C21orf58: variants seen among roughly 807,000 people sequenced by gnomAD.
The protein encoded by C21orf58 is uncharacterized protein C21orf58.
A neutral mutation model predicts 35.8 loss-of-function variants in C21orf58; 34 were observed. The ratio of observed to expected loss-of-function variants is 0.95; its 90% CI spans 0.72 to 1.26. The LOEUF (loss-of-function observed/expected upper bound fraction) is 1.26. Ranked by LOEUF, C21orf58 falls within the 50% of genes most tolerant of loss-of-function variation. C21orf58 has a pLI of 0.00. For missense variants in C21orf58, 440 were observed against 414.3 expected, an observed-to-expected ratio of 1.06 and a Z score of -0.54; for synonymous variants, 191 against 175.8, an observed-to-expected ratio of 1.09 and a Z score of -0.68.
At position 46,311,508 on chromosome 21, in the gene C21orf58, C is replaced by G. The variant is rs1339310542; in HGVS notation, c.669G>C (p.Gln223His). ...QQLPQQPLIA[Q>H]IPPPQAFPTQ... ...TAGGGAAGGCCTGGGGAGGAGGAAT[C>G]TGTGCTATGAGTGGCTGCTGAGGGA... The change falls in exon 6 of 8, where the codon CAG becomes CAC. Residue 223 changes from glutamine to histidine, a missense_variant. By Grantham distance (24) the Gln-to-His change is conservative. Transcript: ENST00000291691. The G allele has an allele frequency of 2.5e-6, 4 of 1,612,480 alleles. No individual in the cohort carries two copies. The highest frequency in any genetic ancestry group is 3.4e-6 in the Non-Finnish European group (4 of 1,179,428).
intron 1 of C21orf58, among the ~76,000 whole-genome samples, chr21:46,321,901 CTTTT>C (rs397867797): frequency 8.4e-5 from 10 of 119,104 alleles, no homozygotes; most frequent in African/African-American, 9.6e-5. Flanking sequence ...ATCTGGGCAG[CTTTT>C]TTTTTTTTTT....
chr21:46,307,687 T>C (rs1309223505), intron 6 of C21orf58, among the ~76,000 whole-genome samples: 2 of 152,144 alleles, frequency 1.3e-5, no homozygotes, highest in Non-Finnish European at 2.9e-5. Flanking sequence ...CAATATATGA[T>C]AGAGCTACAG....
chr21:46,301,652 C>A lies in C21orf58; in HGVS notation c.*347G>T. On this transcript the variant is annotated 3_prime_UTR_variant, in exon 8 of 8. Coordinates refer to ENST00000291691, the MANE Select transcript of C21orf58 (RefSeq NM_058180.5). ...TCATCAGGCTGGTGGCGTCCACGGCCTCAACTTTACCTCCGTGATGGAAGA... is the reference window on the plus strand; with the variant it reads ...TCATCAGGCTGGTGGCGTCCACGGCATCAACTTTACCTCCGTGATGGAAGA... 9.1e-7 allele frequency: 1 copy of A among 1,103,096 alleles called. No individual in the cohort carries two copies. The highest frequency in any genetic ancestry group is 1.1e-6 in the Non-Finnish European group (1 of 905,758). 68.3% of individuals were successfully genotyped at this position (1,103,096 alleles called of 1,614,324 possible).
chr21:46,317,214 C>T lies in C21orf58; in HGVS notation c.364G>A (p.Glu122Lys), dbSNP rs767085010. ...VEGGPEGLHLEPGNEDRPDDA... is the reference protein window; with the variant it reads ...VEGGPEGLHLKPGNEDRPDDA... ...GCAGCCCAGGGGCTCTCACCTGGCT[C>T]GAGGTGGAGGCCCTCAGGTCCCCCT... Residue 122 changes from glutamate to lysine, a missense_variant, in exon 3 of 8, where the codon GAG (glutamate) becomes AAG (lysine). By Grantham distance (56) the Glu-to-Lys change is moderately conservative (BLOSUM62 1). Coordinates refer to ENST00000291691, the MANE Select transcript of C21orf58 (RefSeq NM_058180.5). The T allele has an allele frequency of 1.1e-5, 18 of 1,610,580 alleles. No homozygotes were observed. Among genetic ancestry groups the T allele is most frequent in the Non-Finnish European group, 1.4e-5 (17 of 1,179,524 alleles).
At chr21:46,303,730 TATA>T (rs2082255018) in intron 6 of C21orf58, among the ~76,000 whole-genome samples, 16 of 28,732 alleles carry the variant, frequency 5.6e-4, no homozygotes, top group Admixed American at 1.7e-3. Flanking sequence ...TATATATATA[TATA>T]TATATATATA....
chr21:46,317,480 C>T, intron 2 of C21orf58: 1 of 754,954 alleles, frequency 1.3e-6, no homozygotes. Context: ...TGTGTTCCAT[C>T]CACAAGTCTA....
At chr21:46,309,610 C>T (rs1374216313) in intron 6 of C21orf58, among the ~76,000 whole-genome samples, 6 of 152,164 alleles carry the variant, frequency 3.9e-5, no homozygotes, top group Non-Finnish European at 7.3e-5. Flanking sequence ...TTTATTGATA[C>T]ACCCAACGAC....
chr21:46,317,397 C>T, intron 2 of C21orf58, 129 bp from the exon 3 acceptor site: 1 of 1,508,954 alleles, frequency 6.6e-7, no homozygotes, highest in Non-Finnish European at 8.9e-7. Context: ...TCTCCAGGGC[C>T]AACAGGCGGG....
intron 5 of C21orf58, 120 bp downstream of exon 5, chr21:46,314,596 G>T (rs2082887073): frequency 1.3e-6 from 1 of 784,400 alleles, no homozygotes. Context: ...GGTGGGCCTT[G>T]GGAGGATGGG....
At chr21:46,318,411 G>A (rs2083054669) in intron 1 of C21orf58, 191 bp from the exon 2 acceptor site, 1 of 1,430,454 alleles carries the variant, frequency 7.0e-7, no homozygotes, top group Admixed American at 2.9e-5. Context: ...GGCCAGCTGG[G>A]CTTCATGGGA....
intron 6 of C21orf58, among the ~76,000 whole-genome samples, chr21:46,309,298 T>C (rs2082561852): frequency 6.6e-6 from 1 of 151,902 alleles, no homozygotes; most frequent in African/African-American, 2.4e-5. Context: ...CCGTCTCTAC[T>C]AAAAACCACA....
intron 1 of C21orf58, among the ~76,000 whole-genome samples, chr21:46,319,714 G>A (rs1451016140): frequency 4.0e-5 from 6 of 151,612 alleles, no homozygotes; most frequent in Non-Finnish European, 8.8e-5. Context: ...TGGCCAACAT[G>A]GTGAAACCCC....
intron 6 of C21orf58, among the ~76,000 whole-genome samples, chr21:46,306,241 G>C (rs1601649633): frequency 6.6e-6 from 1 of 152,218 alleles, no homozygotes; most frequent in African/African-American, 2.4e-5. Context: ...GGGCATGGTG[G>C]CTCACGCCTG....
At chr21:46,306,874 C>G (rs905282900) in intron 6 of C21orf58, among the ~76,000 whole-genome samples, 3 of 151,838 alleles carry the variant, frequency 2.0e-5, no homozygotes, top group African/African-American at 7.3e-5. Flanking sequence ...AGGTGTGAGC[C>G]GCTGTGCCCG....
rs2082112930 is a variant in C21orf58 at position 46,301,695 on chromosome 21, C to T, written c.*304G>A. 1 of 1,161,552 alleles carries T rather than the reference C, an allele frequency of 8.6e-7. No homozygotes were observed. Among genetic ancestry groups the T allele is most frequent in the Non-Finnish European group, 1.1e-6 (1 of 943,124 alleles). The allele number at this position is 1,161,552 out of a possible 1,614,324, so 72.0% of individuals were successfully genotyped here. On this transcript the variant is annotated 3_prime_UTR_variant, in exon 8 of 8. Coordinates refer to ENST00000291691, the MANE Select transcript of C21orf58 (RefSeq NM_058180.5). Reference sequence around the variant, plus strand: ...ATGGAAGAGGGGGATCTGAGGCTCCCAGGTGGGCCGGCGCCGCCCTACAGG... The same window carrying T: ...ATGGAAGAGGGGGATCTGAGGCTCCTAGGTGGGCCGGCGCCGCCCTACAGG...
chr21:46,308,640 C>G (rs1349983459), intron 6 of C21orf58, among the ~76,000 whole-genome samples: 1 of 151,886 alleles, frequency 6.6e-6, no homozygotes, highest in Non-Finnish European at 1.5e-5. Flanking sequence ...GAACTTAATC[C>G]TCAATGTGGC....
intron 5 of C21orf58, 139 bp from the exon 6 acceptor site, chr21:46,311,706 ACCAACCAACCATCCACCCATCCAT>A (rs1325419386): frequency 1.1e-5 from 5 of 448,588 alleles, no homozygotes; most frequent in South Asian, 3.6e-5. Flanking sequence ...CAACCAACCA[ACCAACCAACCATCCACCCATCCAT>A]CCAACCAACC....
chr21:46,321,235 C>G (rs2083147784), intron 1 of C21orf58, among the ~76,000 whole-genome samples: 1 of 152,088 alleles, frequency 6.6e-6, no homozygotes, highest in South Asian at 2.1e-4. Flanking sequence ...ATGGTGCAAT[C>G]TTGGCTCACT....
chr21:46,318,037 C>T lies in C21orf58; in HGVS notation c.284G>A (p.Arg95Gln), dbSNP rs781428761. The part of the protein sequence containing the change: ...LDSSAAEQVT[R>Q]LTLKLLGQKL... Reference sequence around the variant, plus strand: ...CTGTCCCAAGAGCTTCAGCGTCAGTCGGGTCACTTGCTCTGCTGCTGATGA... The same window carrying T: ...CTGTCCCAAGAGCTTCAGCGTCAGTTGGGTCACTTGCTCTGCTGCTGATGA... The change falls in exon 2 of 8, where the codon CGA becomes CAA. Residue 95 changes from arginine (R) to glutamine (Q), a missense_variant. Physicochemically the swap from Arg to Gln is conservative, Grantham distance 43. Transcript: ENST00000291691. 3.7e-5 allele frequency: 59 copies of T among 1,613,460 alleles called. No individual in the cohort carries two copies. Among genetic ancestry groups the T allele is most frequent in the South Asian group, 9.9e-5 (9 of 91,076 alleles).
Sources: gnomAD v4.1 joint callset for allele counts (sites outside exome capture counted in the v4.1 genomes callset) on GRCh38, gnomAD v4.1.1 for gene constraint, MANE v1.5 for transcripts, NCBI Gene and HGNC (gene_info 2026-07-23, HGNC 2026-07-21) for gene names.